The following CTNNA2 variants were observed in gnomAD, a reference collection of about 807,000 sequenced individuals.
CTNNA2 encodes catenin alpha 2.
Under a neutral mutation model 101.0 loss-of-function variants are expected in CTNNA2, and 42 were observed. The observed-to-expected ratio is 0.42, with a 90% CI of 0.32 to 0.54. CTNNA2 has a LOEUF of 0.54. Ranked by LOEUF, CTNNA2 falls within the 20% of genes least tolerant of loss-of-function variation. The pLI, the probability that CTNNA2 is intolerant of heterozygous loss-of-function variation, is 0.14. For synonymous variants in CTNNA2, 450 were observed against 456.4 expected (o/e 0.99, Z 0.18); for missense variants, 871 against 1,223.1 (o/e 0.71, Z 4.29).
intron 1 of CTNNA2, among the ~76,000 whole-genome samples, chr2:79,618,446 G>A (rs905436000): frequency 6.6e-6 from 1 of 151,904 alleles, no homozygotes; most frequent in Admixed American, 6.6e-5. Flanking sequence ...TTACTTTTGA[G>A]GTATTAGAAT....
intron 4 of CTNNA2, among the ~76,000 whole-genome samples, chr2:79,457,504 A>G (rs1455956372): frequency 6.6e-6 from 1 of 152,184 alleles, no homozygotes; most frequent in Non-Finnish European, 1.5e-5. Flanking sequence ...GGGGAAATAA[A>G]ATGTTAATTC....
intron 2 of CTNNA2, among the ~76,000 whole-genome samples, chr2:79,218,311 T>TTGTGTGTGTGTGTGTG (rs60680995): frequency 1.8e-4 from 21 of 114,756 alleles, no homozygotes; most frequent in East Asian, 1.3e-3. Flanking sequence ...TTCATGAACT[T>TTGTGTGTGTGTGTGTG]TGTGTGTGTG....
intron 9 of CTNNA2, among the ~76,000 whole-genome samples, chr2:80,535,691 T>C (rs1690947569): frequency 6.6e-6 from 1 of 152,140 alleles, no homozygotes. Context: ...TGATTCCACT[T>C]CCTCCTGTCC....
chr2:79,237,528 A>G (rs1295714603), intron 2 of CTNNA2, among the ~76,000 whole-genome samples: 1 of 152,150 alleles, frequency 6.6e-6, no homozygotes, highest in African/African-American at 2.4e-5. Flanking sequence ...AAGCTTTAAA[A>G]CTGAACATTG....
At chr2:80,402,025 G>C (rs1678595414) in intron 8 of CTNNA2, among the ~76,000 whole-genome samples, 2 of 152,188 alleles carry the variant, frequency 1.3e-5, no homozygotes. Flanking sequence ...GAAAGTAGTA[G>C]GTTGTCACCT....
chr2:79,333,856 T>TG (rs1266693076), intron 3 of CTNNA2, among the ~76,000 whole-genome samples: 1 of 152,168 alleles, frequency 6.6e-6, no homozygotes, highest in African/African-American at 2.4e-5. Flanking sequence ...TGATCTATTT[T>TG]TTAACGTATG....
intron 1 of CTNNA2, among the ~76,000 whole-genome samples, chr2:79,551,861 G>A (rs1165456945): frequency 6.6e-6 from 1 of 152,050 alleles, no homozygotes. Context: ...AGAACAGCAA[G>A]GGGGAAGTCT....
At chr2:80,229,928 A>T (rs947895981) in intron 7 of CTNNA2, among the ~76,000 whole-genome samples, 1 of 152,190 alleles carries the variant, frequency 6.6e-6, no homozygotes, top group Non-Finnish European at 1.5e-5. Flanking sequence ...GAGGGACTCC[A>T]TATATGATAG....
At chr2:80,158,865 C>T (rs555297147) in intron 7 of CTNNA2, among the ~76,000 whole-genome samples, 2 of 150,792 alleles carry the variant, frequency 1.3e-5, no homozygotes, top group East Asian at 2.0e-4. Flanking sequence ...GAGCCGAGAT[C>T]GTGCCACTGC....
At chr2:79,343,663 G>T (rs540909580) in intron 3 of CTNNA2, among the ~76,000 whole-genome samples, 1 of 152,132 alleles carries the variant, frequency 6.6e-6, no homozygotes, top group African/African-American at 2.4e-5. Flanking sequence ...TTGGATTGCA[G>T]GAACAGGAAT....
At chr2:80,514,200 G>T (rs749501729) in intron 9 of CTNNA2, among the ~76,000 whole-genome samples, 1 of 152,080 alleles carries the variant, frequency 6.6e-6, no homozygotes, top group African/African-American at 2.4e-5. Context: ...TTGGCCAGCC[G>T]TGCTCAACCT....
intron 3 of CTNNA2, among the ~76,000 whole-genome samples, chr2:79,819,758 T>A (rs1208031543): frequency 6.6e-6 from 1 of 152,124 alleles, no homozygotes; most frequent in African/African-American, 2.4e-5. Context: ...TAACAATAAT[T>A]GATTGTACAT....
At chr2:80,152,424 G>A (rs1703764875) in intron 7 of CTNNA2, among the ~76,000 whole-genome samples, 1 of 151,974 alleles carries the variant, frequency 6.6e-6, no homozygotes, top group African/African-American at 2.4e-5. Flanking sequence ...AAGTTTTTCA[G>A]AGCAGGGGTT....
At chr2:80,248,033 G>C (rs970640095) in intron 7 of CTNNA2, among the ~76,000 whole-genome samples, 1 of 148,604 alleles carries the variant, frequency 6.7e-6, no homozygotes, top group Non-Finnish European at 1.5e-5. Flanking sequence ...TTTTTTTTGT[G>C]GGGGCAGGGG....
At chr2:80,009,578 T>TA (rs1457237101) in intron 7 of CTNNA2, among the ~76,000 whole-genome samples, 1 of 152,122 alleles carries the variant, frequency 6.6e-6, no homozygotes, top group African/African-American at 2.4e-5. Flanking sequence ...CATTCACACA[T>TA]ATACGCTTTT....
At chr2:80,356,559 C>T (rs548827673) in intron 7 of CTNNA2, among the ~76,000 whole-genome samples, 3 of 151,928 alleles carry the variant, frequency 2.0e-5, no homozygotes, top group Admixed American at 6.6e-5. Context: ...ATGAACCATA[C>T]AGAGAGAAGA....
intron 6 of CTNNA2, among the ~76,000 whole-genome samples, chr2:79,905,448 A>G (rs534371492): frequency 1.3e-5 from 2 of 152,164 alleles, no homozygotes; most frequent in Non-Finnish European, 1.5e-5. Context: ...ATAAGTCTGT[A>G]AAGTTGTAAA....
chr2:80,095,747 G>T (rs956096409), intron 7 of CTNNA2, among the ~76,000 whole-genome samples: 1 of 151,906 alleles, frequency 6.6e-6, no homozygotes, highest in African/African-American at 2.4e-5. Context: ...TGTATGTGTC[G>T]AGGAATTTAT....
At chr2:80,596,544 C>T (rs1383041481) in intron 15 of CTNNA2, among the ~76,000 whole-genome samples, 1 of 151,550 alleles carries the variant, frequency 6.6e-6, no homozygotes, top group Non-Finnish European at 1.5e-5. Flanking sequence ...GATCTCCTGA[C>T]CTCGTGATCT....
Sources: gnomAD v4.1 joint callset for allele counts (sites outside exome capture counted in the v4.1 genomes callset) on GRCh38, gnomAD v4.1.1 for gene constraint, MANE v1.5 for transcripts, NCBI Gene and HGNC (gene_info 2026-07-23, HGNC 2026-07-21) for gene names.